GPR84: variants seen among roughly 807,000 people sequenced by gnomAD.
GPR84 encodes G protein-coupled receptor 84, also known as G-protein coupled receptor 84.
In GPR84, 8 loss-of-function variants were observed where a neutral mutation model predicts 14.9. The ratio of observed to expected loss-of-function variants is 0.54; its 90% CI spans 0.31 to 0.97. The LOEUF (loss-of-function observed/expected upper bound fraction) is 0.97. Among genes scored for constraint, GPR84 ranks in the 50% least tolerant of loss-of-function variants. GPR84 has a pLI of 0.04. For synonymous variants in GPR84, 164 were observed against 198.1 expected, an observed-to-expected ratio of 0.83 and a Z score of 1.45; for missense variants, 424 against 498.7, an observed-to-expected ratio of 0.85 and a Z score of 1.43.
downstream of GPR84, among the ~76,000 whole-genome samples, chr12:54,359,225 AG>A (rs1364847526): frequency 6.6e-6 from 1 of 152,180 alleles, no homozygotes; most frequent in Admixed American, 6.5e-5. Flanking sequence ...ATCAGGGCCA[AG>A]GTGGTTTGGC....
At chr12:54,354,558 G>A in the GPR84 span, among the ~76,000 whole-genome samples, 21,661 of 150,844 alleles carry the variant, frequency 0.14, 1,719 homozygotes, top group East Asian at 0.22. Flanking sequence ...TCAGCCTCCC[G>A]AGTAGCTGGG....
the GPR84 span, among the ~76,000 whole-genome samples, chr12:54,355,793 C>T: frequency 3.3e-5 from 5 of 152,200 alleles, no homozygotes; most frequent in Non-Finnish European, 5.9e-5. Flanking sequence ...GGGCTGAGGG[C>T]AATGGCTGAC....
chr12:54,354,418 G>A, the GPR84 span, among the ~76,000 whole-genome samples: 2 of 151,164 alleles, frequency 1.3e-5, no homozygotes, highest in African/African-American at 4.9e-5. Context: ...CACCCGGCCT[G>A]GTGTCCTTTT....
At chr12:54,358,134 C>T (rs1248708960), downstream of GPR84, among the ~76,000 whole-genome samples, 3 of 152,154 alleles carry the variant, frequency 2.0e-5, no homozygotes, top group African/African-American at 7.2e-5. Flanking sequence ...CCTTCTAAAT[C>T]TCACTCTCAA....
the GPR84 span, among the ~76,000 whole-genome samples, chr12:54,353,414 A>C: frequency 6.8e-6 from 1 of 146,314 alleles, no homozygotes; most frequent in South Asian, 2.3e-4. Context: ...CCTGCCTGCC[A>C]GATGTGGCGA....
At chr12:54,357,443 T>C in the GPR84 span, among the ~76,000 whole-genome samples, 2 of 152,082 alleles carry the variant, frequency 1.3e-5, no homozygotes, top group Admixed American at 6.5e-5. Flanking sequence ...TTTCACTGGG[T>C]TGGGGGGTCA....
At chr12:54,361,899 C>T (rs896654141), downstream of GPR84, among the ~76,000 whole-genome samples, 1 of 152,256 alleles carries the variant, frequency 6.6e-6, no homozygotes, top group Non-Finnish European at 1.5e-5. This position sits in a 1 kb window ranked among gnomAD's most constrained non-coding sequence, Gnocchi z 4.3. Flanking sequence ...AGGACCCTGC[C>T]AGGGCAGCTG....
At chr12:54,354,063 C>T in the GPR84 span, among the ~76,000 whole-genome samples, 2 of 152,050 alleles carry the variant, frequency 1.3e-5, no homozygotes, top group African/African-American at 4.8e-5. Flanking sequence ...ACTTTAAGTC[C>T]GCACCCTTCT....
the GPR84 span, among the ~76,000 whole-genome samples, chr12:54,353,285 GTCTT>G: frequency 2.6e-5 from 4 of 152,168 alleles, no homozygotes; most frequent in African/African-American, 4.8e-5. Context: ...GTAAGCCTCT[GTCTT>G]TCTGTTTGTG....
rs1954300669 is a variant in GPR84 at position 54,363,869 on chromosome 12, C to T, written c.-8-10G>A. 6.5e-7 allele frequency: 1 copy of T among 1,534,758 alleles called. No homozygotes were observed. The highest frequency in any genetic ancestry group is 1.4e-5 in the African/African-American group (1 of 73,386). ...TTCCACATGATAGAGGCTAAAGAGG[C>T]AGAGGGTGGAAGAGGAAGAGGGAAT... On this transcript the variant is annotated splice_polypyrimidine_tract_variant and intron_variant, in intron 1 of 1. Transcript: ENST00000267015.
At chr12:54,358,332 GGGA>G (rs1469011142), downstream of GPR84, among the ~76,000 whole-genome samples, 1 of 152,028 alleles carries the variant, frequency 6.6e-6, no homozygotes, top group East Asian at 1.9e-4. Context: ...GTCTTCATAG[GGGA>G]GGAGGAGGAG....
rs758946814 is a variant in GPR84 at position 54,363,320 on chromosome 12, A to T, written c.532T>A (p.Tyr178Asn). Reference protein sequence around the residue: ...CSFDRIRGRPYTTILMGIYFV... With the variant: ...CSFDRIRGRPNTTILMGIYFV... ...TAGATGCCCATGAGGATGGTGGTGT[A>T]AGGCCGGCCTCGGATGCGGTCAAAG... Residue 178 changes from tyrosine (Y) to asparagine (N), a missense_variant, in exon 2 of 2, where the codon TAC (tyrosine) becomes AAC (asparagine). Tyr to Asn is a moderately radical substitution (Grantham distance 143). Transcript: ENST00000267015. The T allele has an allele frequency of 1.1e-5, 17 of 1,613,996 alleles. No homozygotes were observed. Among genetic ancestry groups the T allele is most frequent in the Middle Eastern group, 1.6e-4 (1 of 6,084 alleles).
the GPR84 span, among the ~76,000 whole-genome samples, chr12:54,355,202 A>G: frequency 2.0e-4 from 30 of 152,268 alleles, no homozygotes; most frequent in African/African-American, 7.0e-4. Context: ...CAAGACTGGG[A>G]GCAGAGAAAA....
In GPR84 at chr12:54,363,856, G is replaced by C; in HGVS notation, c.-5C>G. 6.4e-7 allele frequency: 1 copy of C among 1,557,774 alleles called. No homozygotes were observed. The highest frequency in any genetic ancestry group is 8.7e-7 in the Non-Finnish European group (1 of 1,147,516). On this transcript the variant is annotated 5_prime_UTR_variant, in exon 2 of 2. Transcript: ENST00000267015. ...GGCGTCAGAGCTGTTCCACATGATA[G>C]AGGCTAAAGAGGCAGAGGGTGGAAG...
the GPR84 span, among the ~76,000 whole-genome samples, chr12:54,355,962 T>C: frequency 2.0e-5 from 3 of 152,282 alleles, no homozygotes; most frequent in South Asian, 6.2e-4. Context: ...CCTGAGGTGA[T>C]TTTAGGCCTC....
the GPR84 span, among the ~76,000 whole-genome samples, chr12:54,352,021 C>T: frequency 6.6e-6 from 1 of 152,222 alleles, no homozygotes; most frequent in East Asian, 1.9e-4. Context: ...GGCATCTCTC[C>T]GTCCCCTCGC....
downstream of GPR84, among the ~76,000 whole-genome samples, chr12:54,360,632 C>T (rs557006005): frequency 6.6e-6 from 1 of 152,140 alleles, no homozygotes; most frequent in African/African-American, 2.4e-5. Flanking sequence ...TTCCTGGACC[C>T]TAGAAGTGTG....
chr12:54,364,037 G>T, intron 1 of GPR84, 178 bp from the exon 2 acceptor site: 1 of 509,554 alleles, frequency 2.0e-6, no homozygotes, highest in Non-Finnish European at 3.5e-6. Flanking sequence ...TCTCTCCTTA[G>T]GTTCTCTTAG....
downstream of GPR84, among the ~76,000 whole-genome samples, chr12:54,360,165 G>A (rs1276940059): frequency 6.6e-6 from 1 of 152,126 alleles, no homozygotes; most frequent in Non-Finnish European, 1.5e-5. Flanking sequence ...TAGAAAGGCG[G>A]ATTTGAGACT....
Sources: gnomAD v4.1 joint callset for allele counts (sites outside exome capture counted in the v4.1 genomes callset) on GRCh38, gnomAD v4.1.1 for gene constraint, Gnocchi (gnomAD v3.1) non-coding constraint, MANE v1.5 for transcripts, NCBI Gene and HGNC (gene_info 2026-07-23, HGNC 2026-07-21) for gene names.